Variants in ABR observed in about 807,000 individuals in gnomAD.
The protein encoded by ABR is ABR activator of RhoGEF and GTPase.
A neutral mutation model predicts 107.2 loss-of-function variants in ABR; 35 were observed. The observed-to-expected ratio is 0.33, with a 90% confidence interval of 0.25 to 0.43. The LOEUF (loss-of-function observed/expected upper bound fraction) is 0.43, where lower values mean the gene tolerates loss of function less well. ABR is among the 20% of genes least tolerant of loss of function. The pLI is 1.00. For synonymous variants in ABR, 498 were observed against 462.0 expected (o/e 1.08, Z -1.00); for missense variants, 815 against 1,115.2 (o/e 0.73, Z 3.83).
At chr17:1,109,572 T>C (rs994217262) in intron 2 of ABR, among the ~76,000 whole-genome samples, 1 of 151,874 alleles carries the variant, frequency 6.6e-6, no homozygotes, top group African/African-American at 2.4e-5. Flanking sequence ...GGGAGGCCGC[T>C]TCCCAGACGC....
At position 1,012,724 on chromosome 17, in the gene ABR, G is replaced by T; in HGVS notation, c.1925C>A (p.Thr642Asn). Residue 642 changes from threonine (T) to asparagine (N), a missense_variant, in exon 18 of 23, where the codon ACC (threonine) becomes AAC (asparagine). Coordinates refer to ENST00000302538, the MANE Select transcript of ABR (RefSeq NM_021962.5). ...GCTGATCTTCACACCGAAGACGCCG[G>T]TCTGCTTTTTGGACGGGGTCCTCTT... ...SLKRTPSKKQTGVFGVKISVV... is the reference protein window; with the variant it reads ...SLKRTPSKKQNGVFGVKISVV... The T allele has an allele frequency of 6.3e-7, 1 of 1,595,612 alleles. No individual in the cohort carries two copies. Among genetic ancestry groups the T allele is most frequent in the East Asian group, 2.3e-5 (1 of 44,378 alleles).
rs1389184264 is a variant in ABR at position 1,226,418 on chromosome 17, AGT to A, written c.838+2373_838+2374del. On this transcript the variant is annotated intron_variant, in intron 1 of 22. Transcript: ENST00000574139. ...GTGTCTGTGTATGCATGTATGTGGCAGTGTGCCATGTATATACGTGTGCAGGT... is the reference window on the plus strand; with the variant it reads ...GTGTCTGTGTATGCATGTATGTGGCAGTGCCATGTATATACGTGTGCAGGT... Among the ~76,000 whole-genome samples, 4 of 152,102 alleles carry A rather than the reference AGT, an allele frequency of 2.6e-5. No individual in the cohort carries two copies. The East Asian group carries it at 7.8e-4, about 29-fold the overall frequency.
intron 1 of ABR, among the ~76,000 whole-genome samples, chr17:1,174,367 G>A (rs181099730): frequency 1.3e-5 from 2 of 152,222 alleles, no homozygotes; most frequent in East Asian, 1.9e-4. Flanking sequence ...TAGCACACAC[G>A]GAGGGGTCTG....
At chr17:1,168,786 C>A (rs558950898) in intron 1 of ABR, among the ~76,000 whole-genome samples, 5 of 152,244 alleles carry the variant, frequency 3.3e-5, no homozygotes, top group Admixed American at 3.3e-4. Context: ...CAGCAGCTCT[C>A]CTGACAGCCA....
intron 1 of ABR, among the ~76,000 whole-genome samples, chr17:1,175,398 C>A (rs778552450): frequency 6.6e-6 from 1 of 152,008 alleles, no homozygotes; most frequent in Non-Finnish European, 1.5e-5. Context: ...GGCGAGAGAG[C>A]GAGACTCTGT....
At chr17:1,021,530 G>A (rs576382934) in intron 16 of ABR, among the ~76,000 whole-genome samples, 2 of 152,224 alleles carry the variant, frequency 1.3e-5, no homozygotes, top group Admixed American at 6.5e-5. Context: ...CTTCAGCCAG[G>A]TGCGGTGGCT....
At chr17:1,090,886 G>A (rs1415742301) in intron 4 of ABR, among the ~76,000 whole-genome samples, 1 of 152,230 alleles carries the variant, frequency 6.6e-6, no homozygotes, top group Non-Finnish European at 1.5e-5. Flanking sequence ...CGTAGCAGAG[G>A]TGGGGAGGGA....
chr17:1,077,662 G>T (rs1185566094), intron 6 of ABR, among the ~76,000 whole-genome samples: 2 of 152,134 alleles, frequency 1.3e-5, no homozygotes, highest in African/African-American at 4.8e-5. Flanking sequence ...CAGGAAACCT[G>T]CCATCTCTCT....
At chr17:1,068,099 A>T (rs1271252012) in intron 9 of ABR, among the ~76,000 whole-genome samples, 1 of 152,092 alleles carries the variant, frequency 6.6e-6, no homozygotes, top group Non-Finnish European at 1.5e-5. Flanking sequence ...CACCCAGCTA[A>T]TTTTTGTACT....
At chr17:1,158,145 C>T (rs188891428) in intron 1 of ABR, among the ~76,000 whole-genome samples, 4 of 152,268 alleles carry the variant, frequency 2.6e-5, no homozygotes, top group Non-Finnish European at 5.9e-5. Context: ...TTTAGAGCTA[C>T]AGGCAGGAGC....
intron 1 of ABR, among the ~76,000 whole-genome samples, chr17:1,158,076 CT>C (rs900058192): frequency 5.9e-5 from 9 of 152,116 alleles, no homozygotes; most frequent in African/African-American, 2.2e-4. Flanking sequence ...GTGACCACCC[CT>C]GAGTAAGCCG....
In ABR at chr17:1,201,117, C is replaced by T. The variant is rs556021398; in HGVS notation, c.838+27676G>A. 1.1e-4 allele frequency among the ~76,000 whole-genome samples: 16 copies of T among 152,316 alleles called. No homozygotes were observed. In the South Asian group the frequency reaches 2.9e-3, roughly 28 times the overall value. On this transcript the variant is annotated intron_variant, in intron 1 of 22. Coordinates refer to the ABR transcript ENST00000574139. Reference sequence around the variant, plus strand: ...GGAATAAAATGATCAGAGGAGCAGCCGGGGAGGCTTTGGTGCCCCTCAGGC... The same window carrying T: ...GGAATAAAATGATCAGAGGAGCAGCTGGGGAGGCTTTGGTGCCCCTCAGGC...
At chr17:1,173,286 C>CCAACACATCACCTCAGTCCACT (rs1567858108) in intron 1 of ABR, among the ~76,000 whole-genome samples, 1 of 81,702 alleles carries the variant, frequency 1.2e-5, no homozygotes, top group Non-Finnish European at 3.4e-5. Flanking sequence ...CTCAGCCCAC[C>CCAACACATCACCTCAGTCCACT]CAACACATCA....
chr17:1,171,353 C>A (rs954746545), intron 1 of ABR, among the ~76,000 whole-genome samples: 1 of 152,196 alleles, frequency 6.6e-6, no homozygotes, highest in Non-Finnish European at 1.5e-5. Context: ...ATGATGGCCA[C>A]ATCCTTCCCC....
intron 3 of ABR, among the ~76,000 whole-genome samples, chr17:1,093,920 C>T (rs567064150): frequency 6.6e-6 from 1 of 152,318 alleles, no homozygotes; most frequent in African/African-American, 2.4e-5. Flanking sequence ...CCAGATCCAA[C>T]AATCCATGCA....
intron 1 of ABR, among the ~76,000 whole-genome samples, chr17:1,144,799 C>T (rs1216634590): frequency 2.0e-5 from 3 of 151,978 alleles, no homozygotes; most frequent in African/African-American, 4.8e-5. Context: ...GAGGCCGGGG[C>T]GGGCAGATCA....
chr17:1,165,602 G>T (rs1344655251), intron 1 of ABR, among the ~76,000 whole-genome samples: 1 of 152,210 alleles, frequency 6.6e-6, no homozygotes, highest in Non-Finnish European at 1.5e-5. Flanking sequence ...TGTGATCTCA[G>T]CTCACTGCAA....
At chr17:1,199,676 C>T (rs903496278) in intron 1 of ABR, among the ~76,000 whole-genome samples, 1 of 152,152 alleles carries the variant, frequency 6.6e-6, no homozygotes, top group Admixed American at 6.5e-5. Context: ...CTCAGTTGAA[C>T]TCCTGACCTC....
At chr17:1,106,149 C>A (rs2038230692) in intron 2 of ABR, among the ~76,000 whole-genome samples, 1 of 151,940 alleles carries the variant, frequency 6.6e-6, no homozygotes, top group Non-Finnish European at 1.5e-5. Context: ...CAGCAAACTC[C>A]AGCTATAGCT....
Sources: allele counts gnomAD v4.1 joint callset (sites outside exome capture counted in the v4.1 genomes callset), GRCh38; gene constraint gnomAD v4.1.1; transcripts MANE v1.5; gene names NCBI Gene and HGNC (gene_info 2026-07-23, HGNC 2026-07-21).